The following TDRP variants were observed in gnomAD, a reference collection of about 807,000 sequenced individuals.
TDRP encodes testis development related protein.
In TDRP, 12 loss-of-function variants were observed where a neutral mutation model predicts 10.5. The observed-to-expected ratio is 1.15, with a 90% confidence interval of 0.73 to 1.86. TDRP has a LOEUF of 1.86. Ranked by LOEUF, TDRP falls within the 40% of genes most tolerant of loss-of-function variation. TDRP has a pLI of 0.00. For synonymous variants in TDRP, 139 were observed against 95.4 expected (o/e 1.46, Z -2.67); for missense variants, 353 against 229.2 (o/e 1.54, Z -3.49).
intron 1 of TDRP, among the ~76,000 whole-genome samples, chr8:543,158 T>A (rs554980562): frequency 2.0e-5 from 3 of 151,934 alleles, no homozygotes; most frequent in African/African-American, 7.2e-5. Flanking sequence ...AACGGTTTTT[T>A]AAAATTAGCC....
intron 1 of TDRP, among the ~76,000 whole-genome samples, chr8:534,240 TAC>T (rs1563132078): frequency 1.3e-5 from 2 of 152,224 alleles, no homozygotes; most frequent in South Asian, 2.1e-4. Flanking sequence ...GAATATAAAA[TAC>T]AGTTTAATCT....
Position 544,722 on chromosome 8 carries a change from G to C in TDRP, c.36C>G (p.Asp12Glu). ...GGCCGTCCTCCTCCTCGGGGGGCTC[G>C]TCCAGCAGCACTCGGCCCCGGCCCA... ...WKLGRGRVLL[D>E]EPPEEEDGLR... is the part of the protein sequence containing the mutation. Residue 12 changes from aspartate to glutamate, a missense_variant, in exon 1 of 3, where the codon GAC becomes GAG. By Grantham distance (45) the Asp-to-Glu change is conservative. Coordinates refer to ENST00000324079, the MANE Select transcript of TDRP (RefSeq NM_001384899.1). 8.0e-7 allele frequency: 1 copy of C among 1,243,768 alleles called. No homozygotes were observed. The highest frequency in any genetic ancestry group is 1.0e-6 in the Non-Finnish European group (1 of 993,420). The allele number at this position is 1,243,768 out of a possible 1,614,324, so 77.0% of individuals were successfully genotyped here.
At chr8:504,435 G>A (rs569010150) in intron 1 of TDRP, among the ~76,000 whole-genome samples, 36 of 152,078 alleles carry the variant, frequency 2.4e-4, no homozygotes, top group Non-Finnish European at 4.1e-4. Context: ...CAGGGGAAGG[G>A]CCTAGAGCAG....
intron 1 of TDRP, among the ~76,000 whole-genome samples, chr8:536,199 G>A (rs1383421987): frequency 2.0e-5 from 3 of 152,172 alleles, no homozygotes; most frequent in Non-Finnish European, 4.4e-5. Flanking sequence ...CTTACTAAAA[G>A]CACACAGTTG....
intron 1 of TDRP, among the ~76,000 whole-genome samples, chr8:495,686 A>C (rs560353869): frequency 6.6e-6 from 1 of 152,204 alleles, no homozygotes; most frequent in African/African-American, 2.4e-5. Context: ...CGTTGTTAAA[A>C]ATATAATACA....
chr8:516,427 C>T (rs930660949), intron 1 of TDRP, among the ~76,000 whole-genome samples: 1 of 152,172 alleles, frequency 6.6e-6, no homozygotes, highest in African/African-American at 2.4e-5. Context: ...AATAAGAAAA[C>T]AGCCCTATAA....
intron 1 of TDRP, among the ~76,000 whole-genome samples, chr8:523,720 A>G (rs1458380153): frequency 3.3e-5 from 5 of 152,106 alleles, no homozygotes; most frequent in Non-Finnish European, 7.4e-5. Context: ...GCTTGTGGAA[A>G]GGGGAGGGAA....
At chr8:497,363 T>A (rs1801164000) in intron 1 of TDRP, among the ~76,000 whole-genome samples, 1 of 152,214 alleles carries the variant, frequency 6.6e-6, no homozygotes, top group African/African-American at 2.4e-5. Context: ...AAGAGACTGG[T>A]GGCATTTTGC....
At chr8:544,929 G>T (rs1438562782), upstream of TDRP, 4 of 272,224 alleles carry the variant, frequency 1.5e-5, no homozygotes, top group Non-Finnish European at 1.7e-5. Context: ...CTCCCCACCA[G>T]GCCCGCCCCA....
intron 1 of TDRP, among the ~76,000 whole-genome samples, chr8:495,658 C>A (rs1408426914): frequency 1.3e-5 from 2 of 152,140 alleles, no homozygotes; most frequent in Non-Finnish European, 2.9e-5. Flanking sequence ...GGGGTAGAGC[C>A]AGCTTTAGAA....
chr8:544,516 C>G, intron 1 of TDRP, 134 bp downstream of exon 1: 2 of 520,522 alleles, frequency 3.8e-6, no homozygotes, highest in South Asian at 1.0e-4. Flanking sequence ...CCCGGAGCTA[C>G]GCGGCCCCAA....
At chr8:521,742 T>A (rs1227461014) in intron 1 of TDRP, among the ~76,000 whole-genome samples, 4 of 152,176 alleles carry the variant, frequency 2.6e-5, no homozygotes, top group Non-Finnish European at 5.9e-5. Flanking sequence ...AGATTCTATA[T>A]GAACTTTAGA....
chr8:497,856 G>A (rs538301252), intron 1 of TDRP, among the ~76,000 whole-genome samples: 18 of 152,138 alleles, frequency 1.2e-4, no homozygotes, highest in Middle Eastern at 3.2e-3. Flanking sequence ...TCCACCTCCC[G>A]CAGTGGCTAA....
At chr8:538,639 C>G (rs1459510312) in intron 1 of TDRP, among the ~76,000 whole-genome samples, 4 of 152,192 alleles carry the variant, frequency 2.6e-5, no homozygotes, top group Non-Finnish European at 5.9e-5. Flanking sequence ...CAAATCTAAA[C>G]TACCCAACTG....
chr8:544,892 G>T (rs1802598622), upstream of TDRP: 2 of 555,008 alleles, frequency 3.6e-6, no homozygotes, highest in Non-Finnish European at 5.3e-6. Flanking sequence ...GGCGGGGGCG[G>T]GGCACCCCCA....
chr8:515,684 T>C (rs900476664), intron 1 of TDRP, among the ~76,000 whole-genome samples: 14 of 152,146 alleles, frequency 9.2e-5, no homozygotes, highest in African/African-American at 2.7e-4. Context: ...TACTACTTAC[T>C]GACAATTAAT....
intron 2 of TDRP, among the ~76,000 whole-genome samples, chr8:493,131 T>G (rs1265798726): frequency 6.6e-6 from 1 of 152,016 alleles, no homozygotes. Flanking sequence ...ATCAAATAGG[T>G]TTTCAATTGG....
chr8:533,422 G>A (rs1026135406), intron 1 of TDRP, among the ~76,000 whole-genome samples: 1 of 152,112 alleles, frequency 6.6e-6, no homozygotes, highest in African/African-American at 2.4e-5. Context: ...CTGCTTTTCT[G>A]CCTTCATCTC....
rs1800987968 is a variant in TDRP at position 491,924 on chromosome 8, C to G, written c.*475G>C. The G allele has an allele frequency of 8.8e-7, 1 of 1,141,606 alleles. No individual in the cohort carries two copies. The highest frequency in any genetic ancestry group is 1.6e-5 in the African/African-American group (1 of 62,200). 70.7% of individuals were successfully genotyped at this position (1,141,606 alleles called of 1,614,324 possible). The stretch of plus-strand genomic sequence containing the variant: ...ACAAAGTTTAATTTGTCAAGTTAAA[C>G]AAAATTTAACATAACTTTGGAAGAT... On this transcript the variant is annotated 3_prime_UTR_variant, in exon 3 of 3. Coordinates refer to ENST00000324079, the MANE Select transcript of TDRP (RefSeq NM_001384899.1).
Sources: allele counts gnomAD v4.1 joint callset (sites outside exome capture counted in the v4.1 genomes callset), GRCh38; gene constraint gnomAD v4.1.1; transcripts MANE v1.5; gene names NCBI Gene and HGNC (gene_info 2026-07-23, HGNC 2026-07-21).